Variants in DENND4C observed in about 807,000 individuals in gnomAD.
DENND4C encodes DENN domain containing 4C, also known as DENN domain-containing protein 4C.
A neutral mutation model predicts 203.0 loss-of-function variants in DENND4C; 108 were observed. The ratio of observed to expected loss-of-function variants is 0.53; its 90% CI spans 0.46 to 0.62. The LOEUF (loss-of-function observed/expected upper bound fraction) is 0.62, where lower values mean the gene tolerates loss of function less well. DENND4C is among the 20% of genes least tolerant of loss of function. The pLI is 0.00. For missense variants in DENND4C, 2,481 were observed against 2,301.2 expected (o/e 1.08, Z -1.60); for synonymous variants, 871 against 792.4 (o/e 1.10, Z -1.67).
At chr9:19,314,205 A>G (rs1220344928) in intron 10 of DENND4C, among the ~76,000 whole-genome samples, 1 of 152,170 alleles carries the variant, frequency 6.6e-6, no homozygotes, top group African/African-American at 2.4e-5. Context: ...CTGTAGCCCC[A>G]GCACCTTGGG....
intron 16 of DENND4C, 67 bp from the exon 17 acceptor site, chr9:19,331,911 C>T (rs1007413725): frequency 7.1e-7 from 1 of 1,416,458 alleles, no homozygotes; most frequent in Non-Finnish European, 9.6e-7. Context: ...TCTCCCTTTT[C>T]CTTCTCACTT....
intron 1 of DENND4C, among the ~76,000 whole-genome samples, chr9:19,242,412 T>C (rs1447450985): frequency 2.0e-5 from 3 of 152,252 alleles, no homozygotes; most frequent in African/African-American, 4.8e-5. Context: ...CTATAAGTTT[T>C]TAAATCAATT....
chr9:19,361,882 G>T lies in DENND4C; in HGVS notation c.5443G>T (p.Val1815Leu). Residue 1815 changes from valine to leucine, a missense_variant, in exon 30 of 33, where the codon GTG (valine) becomes TTG (leucine). Val to Leu is a conservative substitution (Grantham distance 32). This residue lies in a region of DENND4C where 2,289 missense variants were observed against 2,113.3 expected (regional missense o/e 1.08). Transcript: ENST00000434457. ...LSSLSQDSKL[V>L]YIQLLWDNIN... Reference sequence around the variant, plus strand: ...ATCTCTGTCCCAGGATAGCAAACTTGTGTATATTCAGCTGTTATGGGATAA... The same window carrying T: ...ATCTCTGTCCCAGGATAGCAAACTTTTGTATATTCAGCTGTTATGGGATAA... The T allele has an allele frequency of 6.2e-7, 1 of 1,612,396 alleles. No homozygotes were observed. Among genetic ancestry groups the T allele is most frequent in the South Asian group, 1.1e-5 (1 of 91,032 alleles).
chr9:19,233,305 C>T (rs918328191), intron 1 of DENND4C, among the ~76,000 whole-genome samples: 2 of 152,068 alleles, frequency 1.3e-5, no homozygotes, highest in Non-Finnish European at 2.9e-5. Flanking sequence ...GTTTGACAGA[C>T]GTAGCAAAGG....
At chr9:19,243,474 A>G (rs1176643608) in intron 1 of DENND4C, among the ~76,000 whole-genome samples, 2 of 152,304 alleles carry the variant, frequency 1.3e-5, no homozygotes, top group East Asian at 3.9e-4. Flanking sequence ...AAACGTTTTC[A>G]TCATCCTAAA....
Position 19,357,174 on chromosome 9 carries a change from C to A in DENND4C, c.4964+20C>A. ...ACCAAGGTATCAAAGGGTACAGAGACCTCTTTATGTAGTAATAAATGGGGT... is the reference window on the plus strand; with the variant it reads ...ACCAAGGTATCAAAGGGTACAGAGAACTCTTTATGTAGTAATAAATGGGGT... On this transcript the variant is annotated intron_variant, in intron 27 of 32. Coordinates refer to ENST00000434457, the MANE Select transcript of DENND4C (RefSeq NM_001330640.2). The A allele has an allele frequency of 6.2e-7, 1 of 1,612,636 alleles. No individual in the cohort carries two copies. Among genetic ancestry groups the A allele is most frequent in the East Asian group, 2.2e-5 (1 of 44,810 alleles).
intron 21 of DENND4C, 29 bp from the exon 22 acceptor site, chr9:19,342,604 A>G: frequency 6.4e-7 from 1 of 1,568,566 alleles, no homozygotes; most frequent in Non-Finnish European, 8.6e-7. Flanking sequence ...CAAAAGTAGG[A>G]ATGATAACAT....
At chr9:19,323,867 A>G (rs749784812) in intron 12 of DENND4C, among the ~76,000 whole-genome samples, 13 of 152,172 alleles carry the variant, frequency 8.5e-5, no homozygotes, top group Non-Finnish European at 1.9e-4. Flanking sequence ...AGAAGGAGCT[A>G]TATATGCAGT....
At chr9:19,321,691 A>G (rs1249382676) in intron 12 of DENND4C, among the ~76,000 whole-genome samples, 2 of 151,896 alleles carry the variant, frequency 1.3e-5, no homozygotes, top group African/African-American at 2.4e-5. Flanking sequence ...CTAAAAATAC[A>G]AAAATTAGCG....
intron 1 of DENND4C, among the ~76,000 whole-genome samples, chr9:19,234,872 A>T (rs549465276): frequency 6.6e-6 from 1 of 151,566 alleles, no homozygotes; most frequent in South Asian, 2.1e-4. Flanking sequence ...ATAATGCTAT[A>T]ATGAAATTAT....
chr9:19,244,456 C>G (rs577985853), intron 1 of DENND4C, among the ~76,000 whole-genome samples: 2 of 151,922 alleles, frequency 1.3e-5, no homozygotes, highest in Admixed American at 1.3e-4. Flanking sequence ...AAGTAGTTGC[C>G]TTGGCCGGGC....
rs533330790 is a variant in DENND4C, at chr9:19,352,433, C to T, written c.4606-57C>T. On this transcript the variant is annotated intron_variant, in intron 25 of 32. Coordinates refer to ENST00000434457, the MANE Select transcript of DENND4C (RefSeq NM_001330640.2). ...AAAATCCCATTATCTCAAGAGAATT[C>T]CTGTTAAGATTAATTTTTATTAAAC... 2.8e-6 allele frequency: 4 copies of T among 1,451,308 alleles called. No homozygotes were observed. The East Asian group carries it at 9.3e-5, about 34-fold the overall frequency. The allele number at this position is 1,451,308 out of a possible 1,614,324, so 89.9% of individuals were successfully genotyped here. A position where few individuals can be genotyped will look rare whatever the true frequency, so the allele number is the denominator to read the frequency against.
At chr9:19,316,067 TTTTGAAGCCTACCAGTAGGTAG>T (rs1378332461) in intron 10 of DENND4C, among the ~76,000 whole-genome samples, 1 of 152,188 alleles carries the variant, frequency 6.6e-6, no homozygotes, top group Non-Finnish European at 1.5e-5. Context: ...CACACAGCAT[TTTTGAAGCCTACCAGTAGGTAG>T]TTTGAAGTCT....
intron 32 of DENND4C, 21 bp from the exon 33 acceptor site, chr9:19,372,016 A>G (rs1192565686): frequency 1.2e-5 from 19 of 1,598,840 alleles, no homozygotes; most frequent in Non-Finnish European, 1.6e-5. Context: ...TTACAACTTC[A>G]TTTTTGAAAA....
chr9:19,317,477 C>T (rs568810735), intron 12 of DENND4C, among the ~76,000 whole-genome samples: 1 of 152,222 alleles, frequency 6.6e-6, no homozygotes, highest in East Asian at 1.9e-4. Context: ...TGTTGTTATT[C>T]AGCTACTGTT....
At chr9:19,299,105 A>G in intron 7 of DENND4C, 124 bp from the exon 8 acceptor site, 3 of 666,268 alleles carry the variant, frequency 4.5e-6, no homozygotes, top group Non-Finnish European at 7.3e-6. Flanking sequence ...TTTGCATATT[A>G]AATTATTAAT....
chr9:19,337,698 T>G (rs1820788022), intron 20 of DENND4C: 1 of 1,277,806 alleles, frequency 7.8e-7, no homozygotes. Context: ...TTAGGTTAAA[T>G]TTTGCTGACC....
At position 19,316,680 on chromosome 9, in the gene DENND4C, T is replaced by C; in HGVS notation, c.1648T>C (p.Ser550Pro). ...CATGACTCCAATTGAAGCAGATTTCTCCTGGCAAAAGAAGATGACACAGCT... is the reference window on the plus strand; with the variant it reads ...CATGACTCCAATTGAAGCAGATTTCCCCTGGCAAAAGAAGATGACACAGCT... ...IDMTPIEADF[S>P]WQKKMTQLEM... Residue 550 changes from serine to proline, a missense_variant, in exon 12 of 33, where the codon TCC becomes CCC. By Grantham distance (74) the Ser-to-Pro change is moderately conservative. Coordinates refer to ENST00000434457, the MANE Select transcript of DENND4C (RefSeq NM_001330640.2). 3 of 1,614,098 alleles carry C rather than the reference T, an allele frequency of 1.9e-6. No homozygotes were observed. The highest frequency in any genetic ancestry group is 2.5e-6 in the Non-Finnish European group (3 of 1,180,002).
intron 26 of DENND4C, 64 bp downstream of exon 26, chr9:19,352,729 G>C: frequency 7.6e-7 from 1 of 1,316,688 alleles, no homozygotes; most frequent in Non-Finnish European, 1.0e-6. Flanking sequence ...TCTGGGAGAA[G>C]AGTGAAATAT....
Sources: gnomAD v4.1 joint callset for allele counts (sites outside exome capture counted in the v4.1 genomes callset) on GRCh38, gnomAD v4.1.1 for gene constraint, gnomAD v4.1.1 regional missense constraint, MANE v1.5 for transcripts, NCBI Gene and HGNC (gene_info 2026-07-23, HGNC 2026-07-21) for gene names.